PPP4R2: variants seen among roughly 807,000 people sequenced by gnomAD.
The protein encoded by PPP4R2 is serine/threonine-protein phosphatase 4 regulatory subunit 2.
Under a neutral mutation model 47.2 loss-of-function variants are expected in PPP4R2, and 13 were observed. The observed-to-expected ratio is 0.28, with a 90% CI of 0.18 to 0.44. The LOEUF (loss-of-function observed/expected upper bound fraction) is 0.44, where lower values mean the gene tolerates loss of function less well. Ranked by LOEUF, PPP4R2 falls within the 20% of genes least tolerant of loss-of-function variation. PPP4R2 has a pLI of 1.00. For missense variants in PPP4R2, 421 were observed against 491.2 expected, an observed-to-expected ratio of 0.86 and a Z score of 1.35; for synonymous variants, 151 against 163.3, an observed-to-expected ratio of 0.92 and a Z score of 0.57.
At chr3:73,002,184 C>A (rs1701480585) in intron 2 of PPP4R2, among the ~76,000 whole-genome samples, 1 of 152,138 alleles carries the variant, frequency 6.6e-6, no homozygotes, top group African/African-American at 2.4e-5. Context: ...GGATCTAATT[C>A]TTTTTTATTG....
At chr3:73,018,465 A>ATGTTATTTATGTTATGTTTATGTTAT (rs1295553516) in intron 2 of PPP4R2, among the ~76,000 whole-genome samples, 2 of 88,946 alleles carry the variant, frequency 2.2e-5, no homozygotes, top group African/African-American at 3.7e-5. Flanking sequence ...ATGTTATGTT[A>ATGTTATTTATGTTATGTTTATGTTAT]GTATCCGAAA....
At chr3:73,062,216 T>TCCCAACCAA (rs1702875633) in intron 5 of PPP4R2, 1 of 1,592,004 alleles carries the variant, frequency 6.3e-7, no homozygotes, top group African/African-American at 1.4e-5. Flanking sequence ...GGAACCAATT[T>TCCCAACCAA]TCCACAATGT....
At position 73,017,411 on chromosome 3, in the gene PPP4R2, C is replaced by G. The variant is rs548044313; in HGVS notation, c.116+19253C>G. The stretch of plus-strand genomic sequence containing the variant: ...TCCAGGTCACAGGCCACTGCTGATA[C>G]ACCAACCAGTCTTCAGTGACAGCAG... On this transcript the variant is annotated intron_variant, in intron 2 of 8. Transcript: ENST00000356692. 7.1e-4 allele frequency among the ~76,000 whole-genome samples: 108 copies of G among 152,292 alleles called. 1 individual carries two copies. The South Asian group carries it at 0.022, about 30-fold the overall frequency.
intron 2 of PPP4R2, among the ~76,000 whole-genome samples, chr3:73,016,908 CCT>C (rs1701851822): frequency 6.8e-6 from 1 of 147,634 alleles, no homozygotes; most frequent in Non-Finnish European, 1.5e-5. Flanking sequence ...CCCACTGAAA[CCT>C]CCACCTCCCG....
intron 2 of PPP4R2, among the ~76,000 whole-genome samples, chr3:73,034,972 G>A (rs759660608): frequency 1.3e-5 from 2 of 152,140 alleles, no homozygotes; most frequent in African/African-American, 4.8e-5. Flanking sequence ...AAAAGCTTCC[G>A]CACAAGGGAA....
rs1405106574 is a variant in PPP4R2, at chr3:73,066,699, T to C, written c.*977T>C. On this transcript the variant is annotated 3_prime_UTR_variant, in exon 9 of 9. Transcript: ENST00000356692. The stretch of plus-strand genomic sequence containing the variant: ...GAATATTACACATGTCTTTCTAAAT[T>C]ATTCTAGGGTATGCAAATGTCAATG... 1 of 152,106 alleles carries C rather than the reference T, an allele frequency of 6.6e-6. No individual in the cohort carries two copies. Among genetic ancestry groups the C allele is most frequent in the African/African-American group, 2.4e-5 (1 of 41,452 alleles). The allele number at this position is 152,106 out of a possible 1,614,324, so 9.4% of individuals were successfully genotyped here. A position where few individuals can be genotyped will look rare whatever the true frequency, so the allele number is the denominator to read the frequency against.
chr3:73,003,401 C>T (rs187804590), intron 2 of PPP4R2, among the ~76,000 whole-genome samples: 143 of 151,982 alleles, frequency 9.4e-4, no homozygotes, highest in Non-Finnish European at 1.7e-3. Context: ...TTAGTAGAGA[C>T]GGGGTTTCGC....
chr3:73,065,181 T>A (rs1447431635), intron 8 of PPP4R2, 40 bp downstream of exon 8: 1 of 1,527,234 alleles, frequency 6.5e-7, no homozygotes, highest in East Asian at 2.3e-5. Flanking sequence ...AGTAAGGAGA[T>A]CCTCAAATTC....
chr3:72,997,146 T>G, intron 1 of PPP4R2, 75 bp downstream of exon 1: 1 of 1,190,486 alleles, frequency 8.4e-7, no homozygotes, highest in Non-Finnish European at 1.1e-6. Flanking sequence ...GGGCGGATGG[T>G]TCCGAGGACC....
chr3:73,047,932 A>C (rs377391383), intron 3 of PPP4R2, among the ~76,000 whole-genome samples: 1 of 152,226 alleles, frequency 6.6e-6, no homozygotes, highest in Non-Finnish European at 1.5e-5. Flanking sequence ...GCTGGAATAC[A>C]GTGGCGTGAT....
Position 73,065,876 on chromosome 3 carries a change from T to G in PPP4R2, c.*154T>G. ...GGATAATTCCTGAAAGAGTTGTACA[T>G]GTAAGAACTGTGAATATCAGCTCCT... On this transcript the variant is annotated 3_prime_UTR_variant, in exon 9 of 9. Coordinates refer to ENST00000356692, the MANE Select transcript of PPP4R2 (RefSeq NM_174907.4). 1 of 509,220 alleles carries G rather than the reference T, an allele frequency of 2.0e-6. No homozygotes were observed. Among genetic ancestry groups the G allele is most frequent in the Non-Finnish European group, 3.4e-6 (1 of 291,076 alleles). 31.5% of individuals were successfully genotyped at this position (509,220 alleles called of 1,614,324 possible).
At position 72,996,910 on chromosome 3, in the gene PPP4R2, C is replaced by A. The variant is rs534591083; in HGVS notation, c.-128C>A. 28 of 580,360 alleles carry A rather than the reference C, an allele frequency of 4.8e-5. No homozygotes were observed. The highest frequency in any genetic ancestry group is 6.9e-5 in the Non-Finnish European group (26 of 375,622). 36.0% of individuals were successfully genotyped at this position (580,360 alleles called of 1,614,324 possible). A position where few individuals can be genotyped will look rare whatever the true frequency, so the allele number is the denominator to read the frequency against. ...TTCCCCCGGCTCCCTTCGTTTCCCCCCCCCGGTCGCCTGCGTGCCGGAGTG... is the reference window on the plus strand; with the variant it reads ...TTCCCCCGGCTCCCTTCGTTTCCCCACCCCGGTCGCCTGCGTGCCGGAGTG... On this transcript the variant is annotated 5_prime_UTR_variant, in exon 1 of 9. Transcript: ENST00000356692.
intron 2 of PPP4R2, among the ~76,000 whole-genome samples, chr3:73,043,138 A>G (rs1198825637): frequency 1.3e-5 from 2 of 152,220 alleles, no homozygotes; most frequent in African/African-American, 4.8e-5. Context: ...TATTAATTTA[A>G]GAAATGAAAA....
intron 3 of PPP4R2, among the ~76,000 whole-genome samples, chr3:73,056,436 A>G (rs1166809882): frequency 2.0e-5 from 3 of 152,192 alleles, no homozygotes; most frequent in Non-Finnish European, 2.9e-5. Context: ...ATGTAAAGAG[A>G]CCTTTCAATG....
chr3:73,013,515 C>T (rs1256902571), intron 2 of PPP4R2, among the ~76,000 whole-genome samples: 1 of 152,128 alleles, frequency 6.6e-6, no homozygotes, highest in Non-Finnish European at 1.5e-5. Flanking sequence ...ATACTGTTAC[C>T]TATTTCTTGT....
At chr3:73,052,165 AAAG>A (rs1323754319) in intron 3 of PPP4R2, among the ~76,000 whole-genome samples, 32 of 152,280 alleles carry the variant, frequency 2.1e-4, no homozygotes, top group Non-Finnish European at 5.9e-5. Flanking sequence ...ACTAGAAAAA[AAAG>A]AATAAAAGTA....
intron 2 of PPP4R2, among the ~76,000 whole-genome samples, chr3:73,030,456 T>C (rs533369939): frequency 7.2e-5 from 11 of 152,138 alleles, no homozygotes; most frequent in Non-Finnish European, 1.3e-4. Context: ...TGAGAAGATA[T>C]GAAATAGTTA....
intron 2 of PPP4R2, among the ~76,000 whole-genome samples, chr3:73,027,415 G>A (rs965506750): frequency 6.6e-6 from 1 of 152,124 alleles, no homozygotes; most frequent in African/African-American, 2.4e-5. Context: ...CGTGAGCCCC[G>A]CTCCCAGCTA....
intron 2 of PPP4R2, among the ~76,000 whole-genome samples, chr3:73,036,067 AGAAT>A (rs975914221): frequency 2.6e-5 from 4 of 152,256 alleles, no homozygotes; most frequent in Admixed American, 6.5e-5. Flanking sequence ...AGATATAAAA[AGAAT>A]GAATGAAGTC....
Sources: gnomAD v4.1 joint callset for allele counts (sites outside exome capture counted in the v4.1 genomes callset) on GRCh38, gnomAD v4.1.1 for gene constraint, MANE v1.5 for transcripts, NCBI Gene and HGNC (gene_info 2026-07-23, HGNC 2026-07-21) for gene names.